IMMP2L: variants seen among roughly 807,000 people sequenced by gnomAD.
The protein encoded by IMMP2L is inner mitochondrial membrane peptidase subunit 2, also known as mitochondrial inner membrane protease subunit 2.
IMMP2L carries 18 observed loss-of-function variants against 19.3 expected under a neutral mutation model. That is an observed-to-expected ratio of 0.93 (90% CI 0.64 to 1.38). The LOEUF (loss-of-function observed/expected upper bound fraction) is 1.38, where lower values mean the gene tolerates loss of function less well. IMMP2L is among the 40% of genes most tolerant of loss of function. The probability of loss-of-function intolerance (pLI) is 0.00; values close to 1 mark genes in which losing one functional copy is unlikely to be tolerated. For missense variants in IMMP2L, 233 were observed against 218.2 expected, an observed-to-expected ratio of 1.07 and a Z score of -0.43; for synonymous variants, 76 against 73.0, an observed-to-expected ratio of 1.04 and a Z score of -0.21.
At chr7:111,169,288 C>G (rs1366064983) in intron 3 of IMMP2L, among the ~76,000 whole-genome samples, 1 of 151,836 alleles carries the variant, frequency 6.6e-6, no homozygotes, top group African/African-American at 2.4e-5. Flanking sequence ...TTTCTCCTTC[C>G]CTTCACTTAA....
At chr7:111,353,739 A>T (rs912725790) in intron 3 of IMMP2L, among the ~76,000 whole-genome samples, 1 of 152,200 alleles carries the variant, frequency 6.6e-6, no homozygotes, top group African/African-American at 2.4e-5. Context: ...AAATATACAC[A>T]TACACAAAAA....
chr7:111,280,191 A>G (rs1226360651), intron 3 of IMMP2L, among the ~76,000 whole-genome samples: 1 of 152,128 alleles, frequency 6.6e-6, no homozygotes, highest in Non-Finnish European at 1.5e-5. Context: ...ATTATGTTTT[A>G]GCTGTCACAG....
At chr7:110,891,963 T>A (rs1259714624) in intron 4 of IMMP2L, among the ~76,000 whole-genome samples, 5 of 152,096 alleles carry the variant, frequency 3.3e-5, no homozygotes, top group African/African-American at 1.2e-4. Context: ...GAGATAGTGG[T>A]AGAGGATTTT....
chr7:110,941,071 T>A (rs1158565409), intron 4 of IMMP2L, among the ~76,000 whole-genome samples: 2 of 152,200 alleles, frequency 1.3e-5, no homozygotes, highest in Non-Finnish European at 2.9e-5. Flanking sequence ...ATACTCTCTT[T>A]AAAATGGAAG....
chr7:110,970,844 GA>G (rs1820069223), intron 3 of IMMP2L, among the ~76,000 whole-genome samples: 1 of 152,022 alleles, frequency 6.6e-6, no homozygotes, highest in Non-Finnish European at 1.5e-5. Context: ...CTCTTCCAAG[GA>G]ATAAATCCAT....
At chr7:111,217,130 A>T (rs866639812) in intron 3 of IMMP2L, among the ~76,000 whole-genome samples, 67 of 147,372 alleles carry the variant, frequency 4.5e-4, no homozygotes, top group African/African-American at 1.6e-3. Flanking sequence ...TCTCTCTCAC[A>T]CACACACACA....
Position 110,902,096 on chromosome 7 carries a change from T to C in IMMP2L, c.306-15401A>G, listed in dbSNP as rs577987219. On this transcript the variant is annotated intron_variant, in intron 4 of 5. Coordinates refer to ENST00000405709, the MANE Select transcript of IMMP2L (RefSeq NM_032549.4). The stretch of plus-strand genomic sequence containing the variant: ...CTATCAAGTCAACTCAGTCTACATT[T>C]ATAAAAAAAGATATCTAAAATGTAC... Among the ~76,000 whole-genome samples the C allele has an allele frequency of 3.9e-5, 6 of 152,150 alleles. 1 individual carries two copies. The highest frequency in any genetic ancestry group is 1.4e-4 in the African/African-American group (6 of 41,520).
intron 5 of IMMP2L, among the ~76,000 whole-genome samples, chr7:110,690,438 G>T (rs1326474182): frequency 6.6e-6 from 1 of 152,074 alleles, no homozygotes; most frequent in Non-Finnish European, 1.5e-5. Context: ...AACCTCGGTT[G>T]TTGGAAGTTC....
At chr7:110,833,008 C>A (rs979005787) in intron 5 of IMMP2L, among the ~76,000 whole-genome samples, 3 of 152,178 alleles carry the variant, frequency 2.0e-5, no homozygotes, top group African/African-American at 7.2e-5. Context: ...TCCCCTCTGC[C>A]ACATTCTACC....
At chr7:111,522,184 T>C (rs1846398375) in intron 1 of IMMP2L, among the ~76,000 whole-genome samples, 2 of 152,114 alleles carry the variant, frequency 1.3e-5, no homozygotes, top group East Asian at 1.9e-4. Context: ...GTGGTGGCAG[T>C]GTTGGTGTTG....
chr7:110,732,108 G>T (rs1449344540), intron 5 of IMMP2L, among the ~76,000 whole-genome samples: 3 of 152,206 alleles, frequency 2.0e-5, no homozygotes, highest in Admixed American at 2.0e-4. Flanking sequence ...GGGAGAACAT[G>T]TATGACGGTG....
chr7:110,899,837 T>C (rs1023630023), intron 4 of IMMP2L, among the ~76,000 whole-genome samples: 17 of 152,356 alleles, frequency 1.1e-4, no homozygotes, highest in African/African-American at 3.6e-4. Flanking sequence ...CTAGGCTATT[T>C]TGTGCCTTGT....
At chr7:111,420,886 T>C (rs1479023120) in intron 3 of IMMP2L, among the ~76,000 whole-genome samples, 1 of 151,844 alleles carries the variant, frequency 6.6e-6, no homozygotes, top group Non-Finnish European at 1.5e-5. Context: ...TGTGCCTTTA[T>C]AGTAGCATGA....
chr7:111,373,083 A>G (rs2131126812), intron 3 of IMMP2L, among the ~76,000 whole-genome samples: 1 of 152,062 alleles, frequency 6.6e-6, no homozygotes, highest in Admixed American at 6.6e-5. Context: ...GGATTAAGAA[A>G]CTTTCCCCAA....
intron 3 of IMMP2L, among the ~76,000 whole-genome samples, chr7:111,313,478 C>A (rs1397896573): frequency 6.6e-6 from 1 of 152,048 alleles, no homozygotes; most frequent in African/African-American, 2.4e-5. Context: ...ATCTTCTAAC[C>A]ATTTATAAAA....
At chr7:111,112,353 A>C (rs1563255311) in intron 3 of IMMP2L, among the ~76,000 whole-genome samples, 1 of 152,188 alleles carries the variant, frequency 6.6e-6, no homozygotes, top group Non-Finnish European at 1.5e-5. Flanking sequence ...AGCATACATC[A>C]AGAACTTTAA....
At chr7:111,512,695 T>A (rs1441215951) in intron 2 of IMMP2L, among the ~76,000 whole-genome samples, 3 of 151,886 alleles carry the variant, frequency 2.0e-5, no homozygotes, top group Admixed American at 6.6e-5. Flanking sequence ...ATCACACTAC[T>A]TAACTCAAAT....
At chr7:111,081,066 T>C (rs1795848486) in intron 3 of IMMP2L, among the ~76,000 whole-genome samples, 1 of 152,248 alleles carries the variant, frequency 6.6e-6, no homozygotes, top group African/African-American at 2.4e-5. Context: ...TAAGTATTTG[T>C]GTACTTTCAC....
At chr7:111,530,723 G>A (rs1031222868) in intron 1 of IMMP2L, among the ~76,000 whole-genome samples, 1 of 151,994 alleles carries the variant, frequency 6.6e-6, no homozygotes, top group East Asian at 1.9e-4. Context: ...TTAGAATGTA[G>A]GTGGTGGGTT....
Sources: allele counts gnomAD v4.1 joint callset (sites outside exome capture counted in the v4.1 genomes callset), GRCh38; gene constraint gnomAD v4.1.1; transcripts MANE v1.5; gene names NCBI Gene and HGNC (gene_info 2026-07-23, HGNC 2026-07-21).